The following PLCH1 variants were observed in gnomAD, a reference collection of about 807,000 sequenced individuals.
The protein encoded by PLCH1 is phospholipase C eta 1.
A neutral mutation model predicts 126.7 loss-of-function variants in PLCH1; 60 were observed. The observed-to-expected ratio is 0.47, with a 90% CI of 0.38 to 0.59. PLCH1 has a LOEUF of 0.59. Ranked by LOEUF, PLCH1 falls within the 20% of genes least tolerant of loss-of-function variation. The pLI is 0.00. For missense variants in PLCH1, 1,723 were observed against 2,040.0 expected, an observed-to-expected ratio of 0.84 and a Z score of 2.99; for synonymous variants, 719 against 734.9, an observed-to-expected ratio of 0.98 and a Z score of 0.35.
chr3:155,471,879 C>A (rs539614135), intron 21 of PLCH1, among the ~76,000 whole-genome samples: 1 of 151,830 alleles, frequency 6.6e-6, no homozygotes, highest in Non-Finnish European at 1.5e-5. Context: ...TTGAAACCAA[C>A]GAGAACAAAG....
chr3:155,742,402 C>T (rs1749700760), intron 1 of PLCH1: 2 of 152,078 alleles, frequency 1.3e-5, no homozygotes, highest in Admixed American at 1.3e-4. Context: ...CAAACGGAAG[C>T]AATAACTTTA....
intron 2 of PLCH1, among the ~76,000 whole-genome samples, chr3:155,659,208 G>A (rs754066560): frequency 7.0e-6 from 1 of 142,488 alleles, no homozygotes; most frequent in African/African-American, 2.6e-5. Flanking sequence ...AAGAGATGAT[G>A]TCTTAATAAC....
intron 2 of PLCH1, among the ~76,000 whole-genome samples, chr3:155,607,680 G>A (rs747687366): frequency 1.3e-5 from 2 of 152,130 alleles, no homozygotes; most frequent in Admixed American, 6.5e-5. Context: ...GGGCTCAAGC[G>A]ATCTGCCTGC....
At chr3:155,681,127 T>C (rs1353040433) in intron 2 of PLCH1, among the ~76,000 whole-genome samples, 1 of 152,236 alleles carries the variant, frequency 6.6e-6, no homozygotes, top group African/African-American at 2.4e-5. Context: ...CTTCTTTATA[T>C]GTTACTATAT....
chr3:155,490,035 G>A (rs1227435827), intron 19 of PLCH1, among the ~76,000 whole-genome samples: 2 of 152,156 alleles, frequency 1.3e-5, no homozygotes, highest in Non-Finnish European at 2.9e-5. Context: ...TTCTTTCTGT[G>A]TACATGTTTT....
chr3:155,626,541 G>A (rs957640211), intron 2 of PLCH1, among the ~76,000 whole-genome samples: 2 of 151,864 alleles, frequency 1.3e-5, no homozygotes, highest in Non-Finnish European at 2.9e-5. Context: ...AGGCCAAGGC[G>A]GGTGGTTCAC....
At chr3:155,569,995 T>C (rs1048669962) in intron 6 of PLCH1, among the ~76,000 whole-genome samples, 1 of 152,086 alleles carries the variant, frequency 6.6e-6, no homozygotes, top group Non-Finnish European at 1.5e-5. Flanking sequence ...TTAGCAAAAA[T>C]ATTAGTAAGC....
chr3:155,607,727 C>T (rs1734541386), intron 2 of PLCH1, among the ~76,000 whole-genome samples: 1 of 152,092 alleles, frequency 6.6e-6, no homozygotes, highest in African/African-American at 2.4e-5. Flanking sequence ...CAGGCATAAG[C>T]CTCTGTTTTA....
At chr3:155,573,924 T>C (rs957727918) in intron 6 of PLCH1, among the ~76,000 whole-genome samples, 12 of 151,162 alleles carry the variant, frequency 7.9e-5, no homozygotes, top group African/African-American at 2.9e-4. Context: ...CTCTTACCTC[T>C]TTTTTTTTAG....
intron 8 of PLCH1, among the ~76,000 whole-genome samples, chr3:155,564,290 C>T (rs184598728): frequency 1.8e-3 from 280 of 152,258 alleles, no homozygotes; most frequent in Middle Eastern, 3.4e-3. Context: ...CTTGGCCAGG[C>T]GCGGGGGCTC....
At chr3:155,519,793 A>G (rs1720834727) in intron 11 of PLCH1, among the ~76,000 whole-genome samples, 2 of 152,024 alleles carry the variant, frequency 1.3e-5, no homozygotes, top group South Asian at 4.2e-4. Flanking sequence ...AAAAAAAAAA[A>G]AAAAAAGGCA....
rs757343168 is a variant in PLCH1, at chr3:155,482,551, G to T, written c.3475C>A (p.His1159Asn). ...SMLCSDIPDL[H>N]STAILQESVI... Reference sequence around the variant, plus strand: ...CTCTCCTGCAGAATTGCAGTTGAATGTAGGTCAGGTATGTCAGAACAGAGC... The same window carrying T: ...CTCTCCTGCAGAATTGCAGTTGAATTTAGGTCAGGTATGTCAGAACAGAGC... Residue 1159 changes from histidine to asparagine, a missense_variant, in exon 23 of 23, where the codon CAT becomes AAT. His to Asn is a moderately conservative substitution (Grantham distance 68, BLOSUM62 1). Transcript: ENST00000460012. 3 of 1,614,192 alleles carry T rather than the reference G, an allele frequency of 1.9e-6. No homozygotes were observed. The highest frequency in any genetic ancestry group is 4.5e-5 in the East Asian group (2 of 44,884).
intron 1 of PLCH1, among the ~76,000 whole-genome samples, chr3:155,716,496 T>C (rs1342172717): frequency 6.6e-6 from 1 of 152,216 alleles, no homozygotes; most frequent in Non-Finnish European, 1.5e-5. Context: ...CCAGATCTGC[T>C]TCTGGGTAGG....
At position 155,581,724 on chromosome 3, in the gene PLCH1, G is replaced by A. The variant is rs184791533; in HGVS notation, c.771+1748C>T. Among the ~76,000 whole-genome samples the A allele has an allele frequency of 1.7e-3, 260 of 150,072 alleles. 1 individual carries two copies. Among genetic ancestry groups the A allele is most frequent in the Non-Finnish European group, 2.9e-3 (198 of 67,684 alleles). On this transcript the variant is annotated intron_variant, in intron 6 of 22. Coordinates refer to ENST00000460012, the MANE Select transcript of PLCH1 (RefSeq NM_014996.4). ...GAAAATGTTCTGAAATTAGATAGTG[G>A]TTATAGTTGCACAACTCTTTTTTCC...
chr3:155,641,550 AT>A, intron 2 of PLCH1, among the ~76,000 whole-genome samples: 1 of 152,272 alleles, frequency 6.6e-6, no homozygotes, highest in African/African-American at 2.4e-5. Context: ...CAAAAAAAGG[AT>A]GTTAACAAGC....
chr3:155,652,475 T>C (rs1048998322), intron 2 of PLCH1, among the ~76,000 whole-genome samples: 2 of 152,222 alleles, frequency 1.3e-5, no homozygotes, highest in Admixed American at 6.5e-5. Context: ...CTTTCTGTTT[T>C]GTTTTTTTGC....
rs962893934 is a variant in PLCH1, at chr3:155,571,264, C to T, written c.772-2940G>A. On this transcript the variant is annotated intron_variant, in intron 6 of 22. Coordinates refer to ENST00000460012, the MANE Select transcript of PLCH1 (RefSeq NM_014996.4). Reference sequence around the variant, plus strand: ...TTCTAATATTGCTAAACCTTACTAGCTTATTTTTATCAAAGGGTTATATTT... The same window carrying T: ...TTCTAATATTGCTAAACCTTACTAGTTTATTTTTATCAAAGGGTTATATTT... Among the ~76,000 whole-genome samples, 7 of 152,252 alleles carry T rather than the reference C, an allele frequency of 4.6e-5. No individual in the cohort carries two copies. The East Asian group carries it at 1.3e-3, about 29-fold the overall frequency.
At chr3:155,504,979 T>C (rs1459899127) in intron 12 of PLCH1, among the ~76,000 whole-genome samples, 3 of 152,230 alleles carry the variant, frequency 2.0e-5, no homozygotes, top group African/African-American at 4.8e-5. Context: ...CTTTTAAATG[T>C]TCTGAGTGGG....
chr3:155,641,138 GA>G (rs1739346484), intron 2 of PLCH1, among the ~76,000 whole-genome samples: 1 of 151,128 alleles, frequency 6.6e-6, no homozygotes, highest in Non-Finnish European at 1.5e-5. Context: ...ACAATTACTT[GA>G]GCCCTATAGC....
Sources: allele counts gnomAD v4.1 joint callset (sites outside exome capture counted in the v4.1 genomes callset), GRCh38; gene constraint gnomAD v4.1.1; transcripts MANE v1.5; gene names NCBI Gene and HGNC (gene_info 2026-07-23, HGNC 2026-07-21).